C12orf42: variants seen among roughly 807,000 people sequenced by gnomAD.
C12orf42 encodes the protein chromosome 12 open reading frame 42, also known as uncharacterized protein C12orf42.
C12orf42 carries 25 observed loss-of-function variants against 21.6 expected under a neutral mutation model. The observed-to-expected ratio is 1.16, with a 90% confidence interval of 0.84 to 1.62. C12orf42 has a LOEUF of 1.62. Among genes scored for constraint, C12orf42 ranks in the 40% most tolerant of loss-of-function variants. The pLI is 0.00. For synonymous variants in C12orf42, 174 were observed against 175.0 expected, an observed-to-expected ratio of 0.99 and a Z score of 0.05; for missense variants, 483 against 459.3, an observed-to-expected ratio of 1.05 and a Z score of -0.47.
the C12orf42 span, among the ~76,000 whole-genome samples, chr12:103,526,293 C>T: frequency 3.3e-5 from 5 of 152,198 alleles, no homozygotes; most frequent in South Asian, 4.1e-4. Context: ...ATTTAAGCTA[C>T]TCTGGTTGTC....
the C12orf42 span, among the ~76,000 whole-genome samples, chr12:103,162,026 G>A: frequency 6.6e-6 from 1 of 152,026 alleles, no homozygotes; most frequent in East Asian, 1.9e-4. Flanking sequence ...CAATCCCCCA[G>A]CCCCCCTTCC....
the C12orf42 span, among the ~76,000 whole-genome samples, chr12:103,518,169 A>G: frequency 6.6e-6 from 1 of 152,226 alleles, no homozygotes; most frequent in Admixed American, 6.5e-5. Flanking sequence ...GGCCTGCCAC[A>G]GTCTACTGAT....
chr12:103,399,923 G>A (rs902790224), intron 3 of C12orf42, among the ~76,000 whole-genome samples: 5 of 152,034 alleles, frequency 3.3e-5, no homozygotes, highest in African/African-American at 1.2e-4. Flanking sequence ...TCATATACAT[G>A]TGCTATATAA....
chr12:103,386,237 C>T (rs1161647883), intron 3 of C12orf42, among the ~76,000 whole-genome samples: 1 of 152,106 alleles, frequency 6.6e-6, no homozygotes, highest in Non-Finnish European at 1.5e-5. Flanking sequence ...TATCCTTAAC[C>T]AATTATTCTG....
chr12:103,346,890 G>A (rs1434060953), intron 4 of C12orf42, among the ~76,000 whole-genome samples: 3 of 152,100 alleles, frequency 2.0e-5, no homozygotes, highest in Admixed American at 6.6e-5. Flanking sequence ...TATCAAAAAT[G>A]CATTCTTGCT....
At chr12:103,095,759 G>A in the C12orf42 span, among the ~76,000 whole-genome samples, 1 of 152,212 alleles carries the variant, frequency 6.6e-6, no homozygotes, top group Non-Finnish European at 1.5e-5. Flanking sequence ...CATAGTAGGT[G>A]CTCAGTAAGT....
Position 103,449,334 on chromosome 12 carries a change from TG to T in C12orf42, c.78+29014del, listed in dbSNP as rs1346902680. ...AATGATACAATGGACTTTGGGGACTTGGGGGGAAGGTTGGGAGAGGGGTGAG... is the reference window on the plus strand; with the variant it reads ...AATGATACAATGGACTTTGGGGACTTGGGGGAAGGTTGGGAGAGGGGTGAG... On this transcript the variant is annotated intron_variant, in intron 2 of 5. Coordinates refer to ENST00000548883, the MANE Select transcript of C12orf42 (RefSeq NM_198521.5). Among the ~76,000 whole-genome samples, 37 of 151,714 alleles carry T rather than the reference TG, an allele frequency of 2.4e-4. 1 individual carries two copies. Among genetic ancestry groups the T allele is most frequent in the African/African-American group, 8.7e-4 (36 of 41,268 alleles).
the C12orf42 span, among the ~76,000 whole-genome samples, chr12:103,060,467 A>G: frequency 6.6e-6 from 1 of 152,208 alleles, no homozygotes; most frequent in Non-Finnish European, 1.5e-5. Context: ...CAGAATTAGA[A>G]AAAACTACTT....
chr12:103,286,177 G>A (rs972100419), intron 4 of C12orf42, among the ~76,000 whole-genome samples: 2 of 152,010 alleles, frequency 1.3e-5, no homozygotes, highest in Non-Finnish European at 2.9e-5. Context: ...CATGAACCCG[G>A]GAGGCGGAGC....
intron 1 of C12orf42, chr12:103,495,637 G>C (rs1011235957): frequency 6.6e-6 from 1 of 151,776 alleles, no homozygotes; most frequent in African/African-American, 2.4e-5. Context: ...GTGCGTCTCG[G>C]TCCGGGCCGA....
chr12:103,136,866 A>G, the C12orf42 span, among the ~76,000 whole-genome samples: 2 of 152,152 alleles, frequency 1.3e-5, no homozygotes, highest in African/African-American at 4.8e-5. Context: ...ATCTCTCACC[A>G]CTTAGAAAAA....
the C12orf42 span, among the ~76,000 whole-genome samples, chr12:103,507,865 A>G: frequency 1.1e-4 from 17 of 152,150 alleles, no homozygotes; most frequent in African/African-American, 3.9e-4. Context: ...GAAGAACCCC[A>G]GCTCTCCCAT....
intron 4 of C12orf42, among the ~76,000 whole-genome samples, chr12:103,361,512 C>A (rs1359190000): frequency 3.3e-5 from 5 of 151,998 alleles, no homozygotes; most frequent in Admixed American, 2.6e-4. Context: ...CAACCCAATG[C>A]GAAATCTCCT....
chr12:103,335,581 G>T (rs755263710), intron 4 of C12orf42, among the ~76,000 whole-genome samples: 21 of 152,208 alleles, frequency 1.4e-4, no homozygotes, highest in Non-Finnish European at 2.8e-4. Flanking sequence ...GAAGCTAACT[G>T]CTTTTTGACC....
the C12orf42 span, among the ~76,000 whole-genome samples, chr12:103,215,365 T>A: frequency 6.6e-6 from 1 of 152,106 alleles, no homozygotes; most frequent in African/African-American, 2.4e-5. Context: ...AATCTGATAA[T>A]GACACTGGTG....
At chr12:103,317,911 C>A (rs1449976190) in intron 4 of C12orf42, among the ~76,000 whole-genome samples, 1 of 152,178 alleles carries the variant, frequency 6.6e-6, no homozygotes, top group African/African-American at 2.4e-5. Context: ...GCCCCAGACC[C>A]ACCCAATTTC....
At chr12:103,448,625 G>A (rs10778253) in intron 2 of C12orf42, among the ~76,000 whole-genome samples, 92,509 of 151,704 alleles carry the variant, frequency 0.61, 29,574 homozygotes, top group Admixed American at 0.72. Flanking sequence ...GTGGGATAAC[G>A]ACATGAACAG....
chr12:103,314,557 T>C (rs1420067029), intron 4 of C12orf42, among the ~76,000 whole-genome samples: 2 of 152,170 alleles, frequency 1.3e-5, no homozygotes, highest in African/African-American at 4.8e-5. Flanking sequence ...TATATTTTAG[T>C]GAGTTTTGCC....
chr12:103,451,177 A>G (rs936999943), intron 2 of C12orf42, among the ~76,000 whole-genome samples: 5 of 151,904 alleles, frequency 3.3e-5, no homozygotes, highest in African/African-American at 1.2e-4. Flanking sequence ...CATTTGCCAA[A>G]TGGAGACAAT....
Sources: gnomAD v4.1 joint callset for allele counts (sites outside exome capture counted in the v4.1 genomes callset) on GRCh38, gnomAD v4.1.1 for gene constraint, MANE v1.5 for transcripts, NCBI Gene and HGNC (gene_info 2026-07-23, HGNC 2026-07-21) for gene names.